The following RSC1A1 variants were observed in gnomAD, a reference collection of about 807,000 sequenced individuals.
RSC1A1 encodes regulator of solute carriers 1.
In RSC1A1, 6 loss-of-function variants were observed where a neutral mutation model predicts 7.7. That is an observed-to-expected ratio of 0.78 (90% CI 0.43 to 1.53). RSC1A1 has a LOEUF of 1.53. RSC1A1 is among the 40% of genes most tolerant of loss of function. RSC1A1 has a pLI of 0.01. For missense variants in RSC1A1, 729 were observed against 726.3 expected, an observed-to-expected ratio of 1.00 and a Z score of -0.04; for synonymous variants, 250 against 263.0, an observed-to-expected ratio of 0.95 and a Z score of 0.48.
Position 15,661,151 on chromosome 1 carries a change from A to G in RSC1A1, c.1283A>G (p.Lys428Arg). ...ATATCTGTATCAGTGGAGACAGAAAAATTAACAGGTACTTCATCTGACACT... is the reference window on the plus strand; with the variant it reads ...ATATCTGTATCAGTGGAGACAGAAAGATTAACAGGTACTTCATCTGACACT... ...QAISVSVETE[K>R]LTGTSSDTGR... The change falls in exon 1 of 1, where the codon AAA becomes AGA. Residue 428 changes from lysine to arginine, a missense_variant. Coordinates refer to ENST00000345034, the MANE Select transcript of RSC1A1 (RefSeq NM_006511.3). 2 of 1,614,086 alleles carry G rather than the reference A, an allele frequency of 1.2e-6. No homozygotes were observed. The highest frequency in any genetic ancestry group is 1.7e-6 in the Non-Finnish European group (2 of 1,180,002).
In RSC1A1 at chr1:15,660,889, T is replaced by C. The variant is rs756372856; in HGVS notation, c.1021T>C (p.Ser341Pro). Residue 341 changes from serine to proline, a missense_variant, in exon 1 of 1, where the codon TCT (serine) becomes CCT (proline). Coordinates refer to ENST00000345034, the MANE Select transcript of RSC1A1 (RefSeq NM_006511.3). ...SPSLCGSCQP[S>P]VESAEESCPS... Reference sequence around the variant, plus strand: ...AAGTCTCTGTGGCAGTTGTCAGCCTTCTGTGGAGTCAGCAGAAGAATCTTG... The same window carrying C: ...AAGTCTCTGTGGCAGTTGTCAGCCTCCTGTGGAGTCAGCAGAAGAATCTTG... 6.2e-7 allele frequency: 1 copy of C among 1,614,006 alleles called. No individual in the cohort carries two copies. Among genetic ancestry groups the C allele is most frequent in the Non-Finnish European group, 8.5e-7 (1 of 1,180,030 alleles).
Position 15,661,295 on chromosome 1 carries a change from C to T in RSC1A1, c.1427C>T (p.Thr476Ile). 2 of 1,614,050 alleles carry T rather than the reference C, an allele frequency of 1.2e-6. No homozygotes were observed. The highest frequency in any genetic ancestry group is 1.1e-5 in the South Asian group (1 of 91,052). Residue 476 changes from threonine to isoleucine, a missense_variant, in exon 1 of 1, where the codon ACC becomes ATC. Coordinates refer to ENST00000345034, the MANE Select transcript of RSC1A1 (RefSeq NM_006511.3). ...AATAAGAACCGTTCTGTCACTGTAA[C>T]CTCAGCTAAAACATCCAATCAGTTA... ...SINKNRSVTV[T>I]SAKTSNQLHC...
chr1:15,660,143 G>A lies in RSC1A1; in HGVS notation c.275G>A (p.Ser92Asn). 1.9e-6 allele frequency: 3 copies of A among 1,614,222 alleles called. No individual in the cohort carries two copies. The highest frequency in any genetic ancestry group is 2.5e-6 in the Non-Finnish European group (3 of 1,180,040). Residue 92 changes from serine to asparagine, a missense_variant, in exon 1 of 1, where the codon AGT (serine) becomes AAT (asparagine). Ser to Asn is a conservative substitution (Grantham distance 46). Coordinates refer to ENST00000345034, the MANE Select transcript of RSC1A1 (RefSeq NM_006511.3). ...SSADHAPTDQ[S>N]PAMPMQNSSE... ...GCAGACCATGCTCCAACAGACCAGA[G>A]TCCAGCTATGCCTATGCAGAATTCA...
Position 15,659,865 on chromosome 1 carries a change from G to A in RSC1A1, c.-4G>A. On this transcript the variant is annotated 5_prime_UTR_variant, in exon 1 of 1. Transcript: ENST00000345034. ...AAAGTGGTAAAGAATCTACCTCACT[G>A]GGAATGTCATCATTACCAACTTCAG... The A allele has an allele frequency of 6.4e-7, 1 of 1,561,464 alleles. No individual in the cohort carries two copies. The highest frequency in any genetic ancestry group is 8.6e-7 in the Non-Finnish European group (1 of 1,158,118).
chr1:15,661,571 C>T lies in RSC1A1; in HGVS notation c.1703C>T (p.Pro568Leu). 6.2e-7 allele frequency: 1 copy of T among 1,614,218 alleles called. No homozygotes were observed. Among genetic ancestry groups the T allele is most frequent in the Non-Finnish European group, 8.5e-7 (1 of 1,180,020 alleles). ...SHPSSSPAIL[P>L]PLIFPATDID... ...CCATCATCAAGTCCTGCCATTCTTC[C>T]ACCATTGATTTTTCCTGCCACAGAT... Residue 568 changes from proline to leucine, a missense_variant, in exon 1 of 1, where the codon CCA becomes CTA. By Grantham distance (98) the Pro-to-Leu change is moderately conservative. Coordinates refer to ENST00000345034, the MANE Select transcript of RSC1A1 (RefSeq NM_006511.3).
Position 15,660,008 on chromosome 1 carries a change from G to A in RSC1A1, c.140G>A (p.Arg47His), listed in dbSNP as rs144088253. The A allele has an allele frequency of 1.5e-5, 24 of 1,614,026 alleles. No homozygotes were observed. The highest frequency in any genetic ancestry group is 1.5e-4 in the African/African-American group (11 of 74,898). ...CCTATCAAGCCCAGTGACTCAGATC[G>A]CATTGAACCTAAAGCTGTGAAGGCT... ...VCPIKPSDSD[R>H]IEPKAVKALK... The change falls in exon 1 of 1, where the codon CGC becomes CAC. Residue 47 changes from arginine to histidine, a missense_variant. Transcript: ENST00000345034.
rs202037484 is a variant in RSC1A1, at chr1:15,661,378, C to G, written c.1510C>G (p.Leu504Val). Residue 504 changes from leucine to valine, a missense_variant, in exon 1 of 1, where the codon CTC (leucine) becomes GTC (valine). By Grantham distance (32) the Leu-to-Val change is conservative. Coordinates refer to ENST00000345034, the MANE Select transcript of RSC1A1 (RefSeq NM_006511.3). ...PKLLAGEEDA[L>V]NQTSEQTKSL... ...ACTTTTAGCAGGTGAGGAGGATGCA[C>G]TCAATCAGACTTCTGAGCAAACTAA... The G allele has an allele frequency of 9.9e-6, 16 of 1,614,172 alleles. No homozygotes were observed. The highest frequency in any genetic ancestry group is 1.7e-5 in the Admixed American group (1 of 60,018).
In RSC1A1 at chr1:15,659,774, G is replaced by T. The variant is rs972186989; in HGVS notation, c.-95G>T. 5 of 1,456,040 alleles carry T rather than the reference G, an allele frequency of 3.4e-6. No individual in the cohort carries two copies. The highest frequency in any genetic ancestry group is 4.5e-6 in the Non-Finnish European group (5 of 1,105,558). The allele number at this position is 1,456,040 out of a possible 1,614,324, so 90.2% of individuals were successfully genotyped here. ...ACGCTGTTTAGATTTGTATCCTCTG[G>T]TAATTTAGTGGCATTAGTCACCTGC... On this transcript the variant is annotated 5_prime_UTR_variant, in exon 1 of 1. Transcript: ENST00000345034.
chr1:15,660,002 C>A, the RSC1A1 span: 8 of 1,614,094 alleles, frequency 5.0e-6, no homozygotes. Context: ...CCCAGTGACT[C>A]AGATCGCATT....
chr1:15,661,519 C>T lies in RSC1A1; in HGVS notation c.1651C>T (p.Leu551Phe), dbSNP rs1356418092. The change falls in exon 1 of 1, where the codon CTT (leucine) becomes TTT (phenylalanine). Residue 551 changes from leucine (L) to phenylalanine (F), a missense_variant. Leu to Phe is a conservative substitution (Grantham distance 22). Coordinates refer to ENST00000345034, the MANE Select transcript of RSC1A1 (RefSeq NM_006511.3). ...NVCPDASRPL[L>F]EYEPPTSHPS... Reference sequence around the variant, plus strand: ...CTGTCCTGATGCTTCGAGGCCATTACTTGAATATGAACCACCTACCAGCCA... The same window carrying T: ...CTGTCCTGATGCTTCGAGGCCATTATTTGAATATGAACCACCTACCAGCCA... 2.5e-6 allele frequency: 4 copies of T among 1,614,090 alleles called. No individual in the cohort carries two copies. Among genetic ancestry groups the T allele is most frequent in the Admixed American group, 1.7e-5 (1 of 60,014 alleles).
chr1:15,660,538 A>G lies in RSC1A1; in HGVS notation c.670A>G (p.Asn224Asp). 6.2e-7 allele frequency: 1 copy of G among 1,613,044 alleles called. No homozygotes were observed. Among genetic ancestry groups the G allele is most frequent in the Non-Finnish European group, 8.5e-7 (1 of 1,179,752 alleles). Residue 224 changes from asparagine to aspartate, a missense_variant, in exon 1 of 1, where the codon AAT becomes GAT. Transcript: ENST00000345034. ...ATMKGNGLPQ[N>D]VDPPSAKKSI... ...GATGAAAGGAAATGGGCTCCCACAG[A>G]ATGTGGATCCTCCAAGTGCGAAGAA...
chr1:15,661,013 C>A, the RSC1A1 span: 1 of 1,614,084 alleles, frequency 6.2e-7, no homozygotes, highest in East Asian at 2.2e-5. Context: ...ATCTGTCAAT[C>A]AGAAACCATA....
chr1:15,659,968 T>A lies in RSC1A1; in HGVS notation c.100T>A (p.Ser34Thr), dbSNP rs1640336959. ...TCCTATGAGTCTTGCTCGCTCTGTC[T>A]CTGCTTCAGTCTGCCCTATCAAGCC... ...GNPMSLARSV[S>T]ASVCPIKPSD... The change falls in exon 1 of 1, where the codon TCT becomes ACT. Residue 34 changes from serine (S) to threonine (T), a missense_variant. Transcript: ENST00000345034. 6.2e-7 allele frequency: 1 copy of A among 1,614,108 alleles called. No individual in the cohort carries two copies. Among genetic ancestry groups the A allele is most frequent in the Non-Finnish European group, 8.5e-7 (1 of 1,180,046 alleles).
In RSC1A1 at chr1:15,661,745, G is replaced by A. The variant is rs779520463; in HGVS notation, c.*23G>A. The stretch of plus-strand genomic sequence containing the variant: ...TGACTGTGGGAAAGTGGGCTAGACC[G>A]TTCTCCATTCCCTTTAAACAAAAGA... On this transcript the variant is annotated 3_prime_UTR_variant, in exon 1 of 1. Transcript: ENST00000345034. 17 of 1,578,682 alleles carry A rather than the reference G, an allele frequency of 1.1e-5. No homozygotes were observed. The Middle Eastern group carries it at 6.8e-4, about 63-fold the overall frequency.
chr1:15,661,081 C>G lies in RSC1A1; in HGVS notation c.1213C>G (p.Leu405Val). ...LSERWTQNEH[L>V]TQNEQCPQVS... ...TGAAAGATGGACCCAAAATGAGCAT[C>G]TTACCCAGAATGAACAGTGTCCACA... Residue 405 changes from leucine (L) to valine (V), a missense_variant, in exon 1 of 1, where the codon CTT becomes GTT. Leu to Val is a conservative substitution (Grantham distance 32). Coordinates refer to ENST00000345034, the MANE Select transcript of RSC1A1 (RefSeq NM_006511.3). The G allele has an allele frequency of 6.2e-7, 1 of 1,614,136 alleles. No homozygotes were observed. Among genetic ancestry groups the G allele is most frequent in the South Asian group, 1.1e-5 (1 of 91,066 alleles).
rs3766163 is a variant in RSC1A1, at chr1:15,660,052, T to C, written c.184T>C (p.Phe62Leu). The stretch of plus-strand genomic sequence containing the variant: ...GAAGGCTTTGAAGGCTTCAGCTGAA[T>C]TCCAGCTAAACTCTGAAAAGAAAGA... Reference protein sequence around the residue: ...AVKALKASAEFQLNSEKKEHL... With the variant: ...AVKALKASAELQLNSEKKEHL... Residue 62 changes from phenylalanine to leucine, a missense_variant, in exon 1 of 1, where the codon TTC (phenylalanine) becomes CTC (leucine). Phe to Leu is a conservative substitution (Grantham distance 22, BLOSUM62 0). Transcript: ENST00000345034. The C allele has an allele frequency of 0.27, 442,884 of 1,613,676 alleles. 63,764 individuals carry two copies. Among genetic ancestry groups the C allele is most frequent in the African/African-American group, 0.43 (32,205 of 74,928 alleles).
chr1:15,660,367 C>T, the RSC1A1 span: 3 of 1,614,016 alleles, frequency 1.9e-6, no homozygotes, highest in Non-Finnish European at 2.5e-6. Context: ...TGACCCTCAG[C>T]AGCACGAAGA....
In RSC1A1 at chr1:15,660,513, G is replaced by A. The variant is rs181311139; in HGVS notation, c.645G>A (p.Thr215=). Residue 215 remains threonine (T), a synonymous_variant, in exon 1 of 1, where the codon ACG becomes ACA. Coordinates refer to ENST00000345034, the MANE Select transcript of RSC1A1 (RefSeq NM_006511.3). ...ACAAAATTGTTGATTTGGAAGCTAC[G>A]ATGAAAGGAAATGGGCTCCCACAGA... is the stretch of plus-strand genomic sequence containing the variant. ...NQHKIVDLEA[T]MKGNGLPQNV... The A allele has an allele frequency of 1.6e-5, 26 of 1,613,644 alleles. No individual in the cohort carries two copies. Among genetic ancestry groups the A allele is most frequent in the Non-Finnish European group, 2.0e-5 (24 of 1,179,912 alleles).
Position 15,661,602 on chromosome 1 carries a change from C to T in RSC1A1, c.1734C>T (p.Asp578=), listed in dbSNP as rs1640381456. ...TGATTTTTCCTGCCACAGATATTGA[C>T]CGCATTCTCCGTGCTGGCTTTACTT... The part of the protein sequence containing the change: ...PPLIFPATDI[D]RILRAGFTLQ... The change falls in exon 1 of 1, where the codon GAC becomes GAT. Residue 578 remains aspartate, a synonymous_variant. Transcript: ENST00000345034. The T allele has an allele frequency of 1.2e-6, 2 of 1,614,030 alleles. No homozygotes were observed. The highest frequency in any genetic ancestry group is 1.3e-5 in the African/African-American group (1 of 74,918).
Sources: allele counts gnomAD v4.1 joint callset, GRCh38; gene constraint gnomAD v4.1.1; transcripts MANE v1.5; gene names NCBI Gene and HGNC (gene_info 2026-07-23, HGNC 2026-07-21).